PTPRK: variants seen among roughly 807,000 people sequenced by gnomAD.
The protein encoded by PTPRK is protein tyrosine phosphatase receptor type K.
A neutral mutation model predicts 178.0 loss-of-function variants in PTPRK; 75 were observed. That is an observed-to-expected ratio of 0.42 (90% CI 0.35 to 0.51). The LOEUF is 0.51. PTPRK is among the 20% of genes least tolerant of loss of function. The pLI, the probability that PTPRK is intolerant of heterozygous loss-of-function variation, is 0.02. For missense variants in PTPRK, 1,441 were observed against 1,797.8 expected (o/e 0.80, Z 3.59); for synonymous variants, 637 against 620.6 (o/e 1.03, Z -0.39).
At chr6:128,080,766 A>T (rs540773605) in intron 10 of PTPRK, among the ~76,000 whole-genome samples, 4 of 152,182 alleles carry the variant, frequency 2.6e-5, no homozygotes, top group African/African-American at 9.6e-5. Flanking sequence ...AAATTATCTG[A>T]AAAGTTCAAG....
At chr6:128,355,081 T>C (rs1247286380) in intron 2 of PTPRK, among the ~76,000 whole-genome samples, 1 of 152,242 alleles carries the variant, frequency 6.6e-6, no homozygotes, top group Non-Finnish European at 1.5e-5. Context: ...TCCCTTATGG[T>C]AACAGCTAAC....
Position 128,322,136 on chromosome 6 carries a change from G to A in PTPRK, c.398C>T (p.Pro133Leu). The change falls in exon 3 of 30, where the codon CCT becomes CTT. Residue 133 changes from proline (P) to leucine (L), a missense_variant. Coordinates refer to ENST00000368226, the MANE Select transcript of PTPRK (RefSeq NM_002844.4). ...LNILVRVNKGPLANPIWNVTG... is the reference protein window; with the variant it reads ...LNILVRVNKGLLANPIWNVTG... ...CACATTCCAAATTGGATTGGCAAGAGGTCCTTTATTCACCCTAACTAATAT... is the reference window on the plus strand; with the variant it reads ...CACATTCCAAATTGGATTGGCAAGAAGTCCTTTATTCACCCTAACTAATAT... 2 of 1,613,864 alleles carry A rather than the reference G, an allele frequency of 1.2e-6. No individual in the cohort carries two copies. The highest frequency in any genetic ancestry group is 8.5e-7 in the Non-Finnish European group (1 of 1,179,890).
At chr6:128,429,043 C>T (rs926431874) in intron 1 of PTPRK, among the ~76,000 whole-genome samples, 1 of 152,080 alleles carries the variant, frequency 6.6e-6, no homozygotes, top group Admixed American at 6.5e-5. Flanking sequence ...ATAGGTTTAT[C>T]GGGATGTAAT....
intron 29 of PTPRK, among the ~76,000 whole-genome samples, chr6:127,972,754 A>G (rs1774074835): frequency 6.6e-6 from 1 of 152,194 alleles, no homozygotes. Flanking sequence ...ACTGCAGCAA[A>G]TATTTTTTGG....
chr6:128,076,956 A>G (rs1350806357), intron 11 of PTPRK, among the ~76,000 whole-genome samples: 2 of 152,042 alleles, frequency 1.3e-5, no homozygotes, highest in African/African-American at 4.8e-5. Context: ...TAAATGATCA[A>G]TCAATGTTTG....
chr6:128,301,394 A>G (rs1825586006), intron 3 of PTPRK, among the ~76,000 whole-genome samples: 1 of 152,130 alleles, frequency 6.6e-6, no homozygotes, highest in Non-Finnish European at 1.5e-5. Flanking sequence ...AATAGGTAAA[A>G]GTATGTATCA....
intron 1 of PTPRK, among the ~76,000 whole-genome samples, chr6:128,492,396 T>G (rs1853942038): frequency 6.6e-6 from 1 of 152,216 alleles, no homozygotes; most frequent in South Asian, 2.1e-4. Flanking sequence ...TGTACATATT[T>G]AAGCAACTGC....
chr6:128,304,099 A>T (rs1215061828), intron 3 of PTPRK, among the ~76,000 whole-genome samples: 1 of 152,224 alleles, frequency 6.6e-6, no homozygotes, highest in Non-Finnish European at 1.5e-5. Flanking sequence ...TTACCTAAAA[A>T]GACCAAGAGA....
chr6:128,430,901 G>T (rs147829390), intron 1 of PTPRK, among the ~76,000 whole-genome samples: 1 of 151,100 alleles, frequency 6.6e-6, no homozygotes, highest in Non-Finnish European at 1.5e-5. Flanking sequence ...AACATTTAAA[G>T]AAATCTTTAT....
chr6:128,233,827 G>C (rs976273798), intron 5 of PTPRK, among the ~76,000 whole-genome samples: 1 of 152,194 alleles, frequency 6.6e-6, no homozygotes, highest in Middle Eastern at 3.4e-3. Context: ...CAAAACAAAT[G>C]GTGCCACCAA....
intron 3 of PTPRK, among the ~76,000 whole-genome samples, chr6:128,256,823 A>G (rs1397150622): frequency 6.6e-6 from 1 of 152,206 alleles, no homozygotes; most frequent in Non-Finnish European, 1.5e-5. Flanking sequence ...GCAAAAAAAG[A>G]GGGCGTTACA....
At chr6:128,010,341 AT>A (rs1312027033) in intron 13 of PTPRK, among the ~76,000 whole-genome samples, 1 of 151,298 alleles carries the variant, frequency 6.6e-6, no homozygotes, top group African/African-American at 2.4e-5. Flanking sequence ...GAGTCAAGAG[AT>A]GGTGTCCACA....
chr6:128,226,210 G>T (rs948440288), intron 5 of PTPRK, among the ~76,000 whole-genome samples: 4 of 152,158 alleles, frequency 2.6e-5, no homozygotes, highest in Non-Finnish European at 5.9e-5. Context: ...CTAACATTGG[G>T]TATATGTATT....
chr6:128,137,726 G>C (rs185874831), intron 7 of PTPRK, among the ~76,000 whole-genome samples: 1 of 151,970 alleles, frequency 6.6e-6, no homozygotes. Flanking sequence ...GAAGTAATGG[G>C]AGGCTCATAA....
intron 1 of PTPRK, among the ~76,000 whole-genome samples, chr6:128,442,633 A>T (rs915315131): frequency 6.6e-6 from 1 of 152,158 alleles, no homozygotes; most frequent in Non-Finnish European, 1.5e-5. Flanking sequence ...TCTCCCACAC[A>T]GTGGTGAGCT....
intron 1 of PTPRK, among the ~76,000 whole-genome samples, chr6:128,499,326 C>T (rs1855207174): frequency 6.6e-6 from 1 of 152,224 alleles, no homozygotes; most frequent in Non-Finnish European, 1.5e-5. Context: ...CTAAGTCAAA[C>T]CCAGTAGTCA....
chr6:128,244,762 C>T (rs1815145552), intron 3 of PTPRK, among the ~76,000 whole-genome samples: 1 of 152,126 alleles, frequency 6.6e-6, no homozygotes, highest in Admixed American at 6.5e-5. Context: ...AGGTGAAAAC[C>T]TCTAGCAGGA....
intron 2 of PTPRK, among the ~76,000 whole-genome samples, chr6:128,353,803 G>A (rs1319086062): frequency 2.0e-5 from 3 of 152,204 alleles, no homozygotes; most frequent in South Asian, 2.1e-4. Flanking sequence ...CTTGATTATC[G>A]TGGTAGTTAC....
chr6:128,140,426 G>A (rs1356908102), intron 7 of PTPRK, among the ~76,000 whole-genome samples: 1 of 151,882 alleles, frequency 6.6e-6, no homozygotes, highest in Non-Finnish European at 1.5e-5. Flanking sequence ...CATAATAAAT[G>A]TCAGGAGCTT....
Sources: gnomAD v4.1 joint callset for allele counts (sites outside exome capture counted in the v4.1 genomes callset) on GRCh38, gnomAD v4.1.1 for gene constraint, MANE v1.5 for transcripts, NCBI Gene and HGNC (gene_info 2026-07-23, HGNC 2026-07-21) for gene names.